Variants in ABCB5 observed in about 807,000 individuals in gnomAD.
ABCB5 encodes ATP-binding cassette sub-family B member 5.
A neutral mutation model predicts 144.2 loss-of-function variants in ABCB5; 155 were observed. That is an observed-to-expected ratio of 1.08 (90% CI 0.94 to 1.23). The LOEUF is 1.23. ABCB5 is among the 50% of genes most tolerant of loss of function. ABCB5 has a pLI of 0.00. For missense variants in ABCB5, 1,830 were observed against 1,520.8 expected (o/e 1.20, Z -3.38); for synonymous variants, 610 against 528.6 (o/e 1.15, Z -2.11).
At chr7:20,755,097 C>A (rs909069106) in intron 27 of ABCB5, among the ~76,000 whole-genome samples, 2 of 152,114 alleles carry the variant, frequency 1.3e-5, no homozygotes, top group African/African-American at 4.8e-5. Context: ...TTACAGATGC[C>A]TGCCACCACA....
intron 20 of ABCB5, among the ~76,000 whole-genome samples, chr7:20,719,037 G>C (rs921397114): frequency 2.6e-5 from 4 of 152,148 alleles, no homozygotes; most frequent in African/African-American, 9.7e-5. Context: ...GCAGTATAAT[G>C]TACAAGGAAT....
intron 19 of ABCB5, among the ~76,000 whole-genome samples, chr7:20,704,387 T>C (rs994199504): frequency 6.6e-6 from 1 of 152,172 alleles, no homozygotes; most frequent in African/African-American, 2.4e-5. Flanking sequence ...CGCCTTACTT[T>C]TGAATTATGT....
At chr7:20,677,585 C>G (rs562570592) in intron 14 of ABCB5, among the ~76,000 whole-genome samples, 3 of 151,960 alleles carry the variant, frequency 2.0e-5, no homozygotes, top group Non-Finnish European at 4.4e-5. Flanking sequence ...AAAAATTAAC[C>G]GGGTGTGGTG....
chr7:20,735,805 A>T (rs1782363167), intron 23 of ABCB5, among the ~76,000 whole-genome samples: 2 of 152,174 alleles, frequency 1.3e-5, no homozygotes, highest in African/African-American at 4.8e-5. Context: ...TCACGTTCCA[A>T]CCCTACAATC....
intron 19 of ABCB5, among the ~76,000 whole-genome samples, chr7:20,703,033 A>G (rs1301740276): frequency 6.6e-6 from 1 of 152,108 alleles, no homozygotes; most frequent in Non-Finnish European, 1.5e-5. Context: ...TTGCCAACTG[A>G]ACATCAGATA....
chr7:20,730,593 C>T (rs977691636), intron 23 of ABCB5, among the ~76,000 whole-genome samples: 7 of 152,158 alleles, frequency 4.6e-5, no homozygotes, highest in African/African-American at 9.7e-5. Flanking sequence ...TGCACTATTG[C>T]CCATGTGAAT....
intron 17 of ABCB5, 21 bp from the exon 18 acceptor site, chr7:20,699,804 T>TA: frequency 1.3e-6 from 2 of 1,517,512 alleles, no homozygotes; most frequent in Non-Finnish European, 1.8e-6. Flanking sequence ...AAACACCTGA[T>TA]AAAAATCTGT....
chr7:20,737,138 A>G (rs993933723), intron 23 of ABCB5, among the ~76,000 whole-genome samples: 1 of 151,790 alleles, frequency 6.6e-6, no homozygotes, highest in Admixed American at 6.6e-5. Context: ...AGCCTGAATG[A>G]CAAAGCAAGA....
intron 20 of ABCB5, among the ~76,000 whole-genome samples, chr7:20,705,447 T>C (rs1211213018): frequency 6.6e-6 from 1 of 152,192 alleles, no homozygotes; most frequent in African/African-American, 2.4e-5. Context: ...TTAATTATTT[T>C]AACAAAATTC....
At chr7:20,717,671 T>C (rs892028727) in intron 20 of ABCB5, among the ~76,000 whole-genome samples, 1 of 151,736 alleles carries the variant, frequency 6.6e-6, no homozygotes, top group African/African-American at 2.4e-5. Flanking sequence ...ACTCCTGACC[T>C]CATGATCTGC....
chr7:20,660,197 A>G (rs940598212), intron 14 of ABCB5: 27 of 984,068 alleles, frequency 2.7e-5, no homozygotes, highest in South Asian at 4.7e-5. Context: ...AAGTGAAAAA[A>G]GAAGAATGCA....
chr7:20,681,002 C>A (rs866850842), intron 14 of ABCB5, among the ~76,000 whole-genome samples: 1 of 43,864 alleles, frequency 2.3e-5, no homozygotes, highest in Non-Finnish European at 4.9e-5. Flanking sequence ...TTCTTTCTTT[C>A]TTTCTTTCTT....
intron 24 of ABCB5, among the ~76,000 whole-genome samples, chr7:20,742,439 T>G (rs1782590208): frequency 6.6e-6 from 1 of 152,190 alleles, no homozygotes; most frequent in Admixed American, 6.5e-5. Flanking sequence ...GTACCTTCAC[T>G]ATAAAACATG....
intron 15 of ABCB5, among the ~76,000 whole-genome samples, 183 bp downstream of exon 15, chr7:20,681,849 A>C (rs1427599173): frequency 6.6e-6 from 1 of 152,152 alleles, no homozygotes; most frequent in African/African-American, 2.4e-5. Context: ...AATATGATGA[A>C]AGTTGAAGAA....
intron 20 of ABCB5, among the ~76,000 whole-genome samples, chr7:20,716,931 G>A (rs1392959503): frequency 1.3e-5 from 2 of 152,002 alleles, no homozygotes; most frequent in East Asian, 3.9e-4. Context: ...CCATCTACTC[G>A]ATTCCCCAGC....
At chr7:20,696,925 A>G (rs1786437337) in intron 16 of ABCB5, among the ~76,000 whole-genome samples, 2 of 152,158 alleles carry the variant, frequency 1.3e-5, no homozygotes. Flanking sequence ...AGATCGTTCT[A>G]TAGGAGGAAG....
chr7:20,643,132 A>G (rs1583387327), intron 5 of ABCB5, 52 bp from the exon 6 acceptor site: 2 of 1,465,830 alleles, frequency 1.4e-6, no homozygotes. Context: ...TATGTGTGTA[A>G]CAAGATAAAA....
chr7:20,634,839 T>C (rs995207361), intron 5 of ABCB5, among the ~76,000 whole-genome samples: 1 of 152,174 alleles, frequency 6.6e-6, no homozygotes, highest in African/African-American at 2.4e-5. Flanking sequence ...GGCAAATATT[T>C]TCTCCCATTC....
intron 20 of ABCB5, 89 bp downstream of exon 20, chr7:20,704,896 G>T: frequency 9.8e-7 from 1 of 1,015,854 alleles, no homozygotes. Context: ...TATGTGAGCT[G>T]TGCTGAGATG....
Sources: gnomAD v4.1 joint callset for allele counts (sites outside exome capture counted in the v4.1 genomes callset) on GRCh38, gnomAD v4.1.1 for gene constraint, MANE v1.5 for transcripts, NCBI Gene and HGNC (gene_info 2026-07-23, HGNC 2026-07-21) for gene names.